EYS: variants seen among roughly 807,000 people sequenced by gnomAD.
EYS encodes the protein EGF-like photoreceptor maintenance factor.
EYS carries 250 observed loss-of-function variants against 282.1 expected under a neutral mutation model. The observed-to-expected ratio is 0.89, with a 90% confidence interval of 0.80 to 0.98. The LOEUF (loss-of-function observed/expected upper bound fraction) is 0.98. EYS is among the 50% of genes least tolerant of loss of function. EYS has a pLI of 0.00. For synonymous variants in EYS, 1,355 were observed against 1,282.9 expected (o/e 1.06, Z -1.20); for missense variants, 4,016 against 3,709.0 (o/e 1.08, Z -2.15).
At chr6:64,091,119 T>A (rs1027269895) in intron 31 of EYS, among the ~76,000 whole-genome samples, 1 of 152,188 alleles carries the variant, frequency 6.6e-6, no homozygotes, top group Non-Finnish European at 1.5e-5. Flanking sequence ...TCATTAATTT[T>A]GAAATTAATA....
At chr6:64,809,632 C>T (rs779986963) in intron 22 of EYS, among the ~76,000 whole-genome samples, 32 of 152,060 alleles carry the variant, frequency 2.1e-4, no homozygotes, top group Non-Finnish European at 3.8e-4. Context: ...CCATAGAGTA[C>T]TATGCAGCCA....
At chr6:65,264,939 A>C (rs1268099153) in intron 12 of EYS, among the ~76,000 whole-genome samples, 1 of 151,884 alleles carries the variant, frequency 6.6e-6, no homozygotes, top group East Asian at 1.9e-4. Context: ...TATTATTTAT[A>C]AACAATATTC....
At chr6:64,687,051 A>G (rs533880713) in intron 22 of EYS, among the ~76,000 whole-genome samples, 111 of 151,004 alleles carry the variant, frequency 7.4e-4, no homozygotes, top group African/African-American at 2.5e-3. Context: ...TTTGAATAGA[A>G]AACCAGAGTA....
At chr6:65,542,693 T>C (rs1412231781) in intron 2 of EYS, among the ~76,000 whole-genome samples, 1 of 152,140 alleles carries the variant, frequency 6.6e-6, no homozygotes, top group Non-Finnish European at 1.5e-5. Context: ...TCAAAGATGA[T>C]TTATAACCCC....
chr6:64,396,359 G>C (rs1773376305), intron 28 of EYS, among the ~76,000 whole-genome samples: 1 of 152,006 alleles, frequency 6.6e-6, no homozygotes, highest in Non-Finnish European at 1.5e-5. Flanking sequence ...TTCAGTATAT[G>C]TGCTCTACTG....
intron 2 of EYS, among the ~76,000 whole-genome samples, chr6:65,574,558 G>A (rs1365244274): frequency 6.6e-6 from 1 of 152,216 alleles, no homozygotes; most frequent in African/African-American, 2.4e-5. Flanking sequence ...AATGATAAAT[G>A]TATTAATTAA....
Position 64,066,435 on chromosome 6 carries a change from G to A in EYS, c.6628C>T (p.Pro2210Ser). 6.5e-7 allele frequency: 1 copy of A among 1,549,256 alleles called. No individual in the cohort carries two copies. The highest frequency in any genetic ancestry group is 1.2e-5 in the South Asian group (1 of 83,946). ...TTTCCACACCCATATTTAACTGATG[G>A]CCTTCCTTCCACAAGAAATAAATGA... ...FLHLFLVEGR[P>S]SVKYGCGNSQ... is the part of the protein sequence containing the mutation. Residue 2210 changes from proline (P) to serine (S), a missense_variant, in exon 33 of 43, where the codon CCA becomes TCA. Physicochemically the swap from Pro to Ser is moderately conservative, Grantham distance 74 (BLOSUM62 -1). Transcript: ENST00000503581.
chr6:65,430,321 C>A (rs1459074010), intron 5 of EYS, among the ~76,000 whole-genome samples: 2 of 152,144 alleles, frequency 1.3e-5, no homozygotes, highest in Non-Finnish European at 2.9e-5. Flanking sequence ...ACTCATCTGA[C>A]ACCTGCCCAC....
In EYS at chr6:65,630,931, T is replaced by G. The variant is rs549378155; in HGVS notation, c.-333+8847A>C. ...AGTTAAGAACCAAAGATGTAAGCAA[T>G]TTATATACTTAGGCAATAGTTCATA... On this transcript the variant is annotated intron_variant, in intron 2 of 42. Transcript: ENST00000503581. Among the ~76,000 whole-genome samples the G allele has an allele frequency of 5.6e-4, 86 of 152,346 alleles. 1 individual carries two copies. The highest frequency in any genetic ancestry group is 1.9e-3 in the African/African-American group (81 of 41,590).
intron 29 of EYS, among the ~76,000 whole-genome samples, chr6:64,376,663 C>G (rs1772570452): frequency 6.6e-6 from 1 of 152,168 alleles, no homozygotes; most frequent in Admixed American, 6.5e-5. Context: ...GACATCGCCT[C>G]TGGGATGAAG....
At chr6:64,528,442 A>G (rs1261227304) in intron 26 of EYS, among the ~76,000 whole-genome samples, 1 of 151,858 alleles carries the variant, frequency 6.6e-6, no homozygotes, top group Non-Finnish European at 1.5e-5. Context: ...CTTTAGAGCC[A>G]GTAGCCTAGT....
intron 27 of EYS, among the ~76,000 whole-genome samples, chr6:64,437,337 AAACT>A (rs1774784294): frequency 1.3e-5 from 2 of 151,726 alleles, no homozygotes; most frequent in African/African-American, 2.4e-5. Context: ...AGGAACCATA[AAACT>A]AACTAGTGAA....
Position 64,956,618 on chromosome 6 carries a change from G to C in EYS, c.2260-10704C>G, listed in dbSNP as rs555906358. Among the ~76,000 whole-genome samples the C allele has an allele frequency of 5.6e-5, 7 of 125,108 alleles. No homozygotes were observed. In the East Asian group the frequency reaches 1.5e-3, roughly 26 times the overall value. The allele number at this position is 125,108 out of a possible 152,430, so 82.1% of individuals were successfully genotyped here. The stretch of plus-strand genomic sequence containing the variant: ...AAGTTAAAAAGCTCCTGCACAGCAA[G>C]GGAAACAATCAACAAAGTAAAGAGA... On this transcript the variant is annotated intron_variant, in intron 14 of 42. Transcript: ENST00000503581.
chr6:64,631,113 G>C (rs186341830), intron 22 of EYS: 1 of 152,096 alleles, frequency 6.6e-6, no homozygotes, highest in Non-Finnish European at 1.5e-5. Flanking sequence ...TAGGAGAAGG[G>C]GCATAAAAGA....
Position 64,690,529 on chromosome 6 carries a change from G to A in EYS, c.3444-64284C>T, listed in dbSNP as rs997913622. 7.2e-5 allele frequency among the ~76,000 whole-genome samples: 11 copies of A among 152,134 alleles called. No individual in the cohort carries two copies. The East Asian group carries it at 7.7e-4, about 11-fold the overall frequency. ...TGCCACTATAAAGACACAGGCATGC[G>A]CTTGTTTATTGCGGCACTATTCATG... On this transcript the variant is annotated intron_variant, in intron 22 of 42. Transcript: ENST00000503581.
At chr6:64,108,506 G>GTTTTT (rs1317190965) in intron 31 of EYS, among the ~76,000 whole-genome samples, 1 of 118,878 alleles carries the variant, frequency 8.4e-6, no homozygotes, top group African/African-American at 3.6e-5. Flanking sequence ...GTCCACTACT[G>GTTTTT]CTTTTTTTTT....
In EYS at chr6:65,442,835, CATACAT is replaced by C. The variant is rs375191677; in HGVS notation, c.863-37474_863-37469del. ...GCATATGTGTATATGTACATATATACATACATATACACATACATATGTACATATATA... is the reference window on the plus strand; with the variant it reads ...GCATATGTGTATATGTACATATATACATACACATACATATGTACATATATA... On this transcript the variant is annotated intron_variant, in intron 5 of 42. Coordinates refer to ENST00000503581, the MANE Select transcript of EYS (RefSeq NM_001142800.2). 9.9e-5 allele frequency among the ~76,000 whole-genome samples: 10 copies of C among 101,134 alleles called. 3 individuals carry two copies. The highest frequency in any genetic ancestry group is 3.0e-4 in the South Asian group (1 of 3,316). The allele number at this position is 101,134 out of a possible 152,430, so 66.3% of individuals were successfully genotyped here.
At chr6:64,690,924 C>G (rs1345195060) in intron 22 of EYS, among the ~76,000 whole-genome samples, 1 of 151,934 alleles carries the variant, frequency 6.6e-6, no homozygotes, top group Non-Finnish European at 1.5e-5. Context: ...CACATGTATA[C>G]ATATGTAGCA....
At chr6:64,153,826 A>G (rs1562227857) in intron 31 of EYS, among the ~76,000 whole-genome samples, 1 of 152,356 alleles carries the variant, frequency 6.6e-6, no homozygotes, top group East Asian at 1.9e-4. Context: ...ACACATGTGC[A>G]CAAAGACACC....
Sources: allele counts gnomAD v4.1 joint callset (sites outside exome capture counted in the v4.1 genomes callset), GRCh38; gene constraint gnomAD v4.1.1; transcripts MANE v1.5; gene names NCBI Gene and HGNC (gene_info 2026-07-23, HGNC 2026-07-21).